Variants in PAH observed in about 807,000 individuals in gnomAD.
The protein encoded by PAH is phenylalanine-4-hydroxylase.
PAH carries 64 observed loss-of-function variants against 62.0 expected under a neutral mutation model. The observed-to-expected ratio is 1.03, with a 90% CI of 0.84 to 1.27. The LOEUF (loss-of-function observed/expected upper bound fraction) is 1.27, where lower values mean the gene tolerates loss of function less well. Among genes scored for constraint, PAH ranks in the 50% most tolerant of loss-of-function variants. The probability of loss-of-function intolerance (pLI) is 0.00; values close to 1 mark genes in which losing one functional copy is unlikely to be tolerated. For missense variants in PAH, 579 were observed against 542.8 expected, an observed-to-expected ratio of 1.07 and a Z score of -0.66; for synonymous variants, 195 against 196.2, an observed-to-expected ratio of 0.99 and a Z score of 0.05.
At chr12:102,891,507 A>G (rs990893291) in intron 3 of PAH, among the ~76,000 whole-genome samples, 1 of 152,194 alleles carries the variant, frequency 6.6e-6, no homozygotes, top group Admixed American at 6.5e-5. Flanking sequence ...GCCAGTGTTT[A>G]TAATAATAAT....
At chr12:102,858,910 A>C (rs1875575894) in intron 5 of PAH, among the ~76,000 whole-genome samples, 1 of 152,234 alleles carries the variant, frequency 6.6e-6, no homozygotes, top group South Asian at 2.1e-4. Flanking sequence ...CACAATGGAA[A>C]GAACTAGAGA....
chr12:102,859,574 A>G lies in PAH; in HGVS notation c.510-4242T>C, dbSNP rs192360407. On this transcript the variant is annotated intron_variant, in intron 5 of 12. Transcript: ENST00000553106. ...ATGAACATCAATGCAAAAATCCTCA[A>G]TAAAATACTGGCAAACCGAATCCAG... Among the ~76,000 whole-genome samples the G allele has an allele frequency of 8.3e-3, 1,261 of 152,378 alleles. 19 individuals are homozygous for G. Among genetic ancestry groups the G allele is most frequent in the African/African-American group, 0.029 (1,209 of 41,584 alleles).
At chr12:102,942,139 A>G (rs1334464850) in intron 1 of PAH, among the ~76,000 whole-genome samples, 1 of 152,104 alleles carries the variant, frequency 6.6e-6, no homozygotes, top group African/African-American at 2.4e-5. Flanking sequence ...ATCTCTCTTC[A>G]TAGATGTTAT....
intron 11 of PAH, among the ~76,000 whole-genome samples, chr12:102,842,686 C>G (rs1874643583): frequency 1.3e-5 from 2 of 152,122 alleles, no homozygotes; most frequent in African/African-American, 4.8e-5. Flanking sequence ...GACTTTCTCC[C>G]TTATGTCTCT....
intron 2 of PAH, among the ~76,000 whole-genome samples, chr12:102,905,450 T>C (rs1877937414): frequency 6.6e-6 from 1 of 152,172 alleles, no homozygotes; most frequent in Non-Finnish European, 1.5e-5. Context: ...AGTTTAAAGA[T>C]CGTTCTCTTT....
At chr12:102,945,985 A>G (rs1160711570) in intron 1 of PAH, 1 of 152,156 alleles carries the variant, frequency 6.6e-6, no homozygotes, top group South Asian at 2.1e-4. Flanking sequence ...GGTTCTTTCC[A>G]TGACTGGGTC....
In PAH at chr12:102,884,083, G is replaced by C. The variant is rs1876931361; in HGVS notation, c.353-6533C>G. Among the ~76,000 whole-genome samples the C allele has an allele frequency of 2.0e-5, 3 of 152,186 alleles. No homozygotes were observed. The South Asian group carries it at 6.2e-4, about 32-fold the overall frequency. On this transcript the variant is annotated intron_variant, in intron 3 of 12. Coordinates refer to ENST00000553106, the MANE Select transcript of PAH (RefSeq NM_000277.3). ...AAGCTCTGGTGCTCACTTCCTCCAG[G>C]CAGCAGCCCAGCTCCACATTTGATC...
At chr12:102,875,072 G>A (rs907004330) in intron 4 of PAH, among the ~76,000 whole-genome samples, 6 of 152,228 alleles carry the variant, frequency 3.9e-5, no homozygotes, top group Admixed American at 6.5e-5. Flanking sequence ...GGGAAAGCAC[G>A]CTGGAGGGTT....
intron 1 of PAH, among the ~76,000 whole-genome samples, chr12:102,935,689 C>CAA (rs78206864): frequency 0.062 from 9,368 of 152,024 alleles, 335 homozygotes; most frequent in Admixed American, 0.1. Flanking sequence ...TACAGTTGCT[C>CAA]ATTGTAGCCT....
At chr12:102,850,864 G>C (rs1875114489) in intron 8 of PAH, among the ~76,000 whole-genome samples, 1 of 152,120 alleles carries the variant, frequency 6.6e-6, no homozygotes, top group Non-Finnish European at 1.5e-5. Flanking sequence ...GAGATGGGAG[G>C]ATTGAGGCCA....
At chr12:102,920,996 C>T (rs1878538065), upstream of PAH, among the ~76,000 whole-genome samples, 1 of 152,138 alleles carries the variant, frequency 6.6e-6, no homozygotes, top group Non-Finnish European at 1.5e-5. Flanking sequence ...CCTTATCTTT[C>T]TTCCCTTATA....
At chr12:102,942,785 C>A (rs1468093369) in intron 1 of PAH, among the ~76,000 whole-genome samples, 1 of 151,954 alleles carries the variant, frequency 6.6e-6, no homozygotes, top group African/African-American at 2.4e-5. Context: ...ACCTGATTTT[C>A]AACAAAGCTG....
chr12:102,924,352 C>T (rs1878629734), intron 1 of PAH, among the ~76,000 whole-genome samples: 2 of 147,476 alleles, frequency 1.4e-5, no homozygotes, highest in East Asian at 3.9e-4. Flanking sequence ...AGCAACTAGA[C>T]TGATGGGTTT....
chr12:102,948,338 T>C (rs1460266382), intron 1 of PAH, among the ~76,000 whole-genome samples: 3 of 152,014 alleles, frequency 2.0e-5, no homozygotes, highest in Non-Finnish European at 4.4e-5. Context: ...TGAGGCTACA[T>C]ATGGGAATGG....
intron 8 of PAH, among the ~76,000 whole-genome samples, chr12:102,851,079 A>G (rs1875124368): frequency 7.7e-6 from 1 of 130,096 alleles, no homozygotes; most frequent in Non-Finnish European, 1.6e-5. Context: ...ACAGAGTGAG[A>G]CCTTGCCTTA....
At chr12:102,952,471 C>CTGTAACAAAATAGAG (rs1879794722), upstream of PAH, among the ~76,000 whole-genome samples, 1 of 152,118 alleles carries the variant, frequency 6.6e-6, no homozygotes, top group African/African-American at 2.4e-5. Context: ...AGCTGGCCTA[C>CTGTAACAAAATAGAG]TGTAACAAAA....
intron 1 of PAH, among the ~76,000 whole-genome samples, chr12:102,926,151 G>C (rs187481383): frequency 1.0e-3 from 155 of 152,176 alleles, no homozygotes; most frequent in African/African-American, 3.5e-3. Context: ...AAAAAGGCAA[G>C]ATAAACTCAG....
chr12:102,879,398 C>A (rs1158853007), intron 3 of PAH, among the ~76,000 whole-genome samples: 1 of 151,190 alleles, frequency 6.6e-6, no homozygotes, highest in Non-Finnish European at 1.5e-5. Context: ...TATCTAGTGG[C>A]CAATCTGGGG....
chr12:102,956,488 C>A (rs1009783745), intron 1 of PAH, among the ~76,000 whole-genome samples: 1 of 151,912 alleles, frequency 6.6e-6, no homozygotes, highest in African/African-American at 2.4e-5. Context: ...GCTCCGCTCC[C>A]AGTCGCCTGC....
Sources: gnomAD v4.1 joint callset for allele counts (sites outside exome capture counted in the v4.1 genomes callset) on GRCh38, gnomAD v4.1.1 for gene constraint, MANE v1.5 for transcripts, NCBI Gene and HGNC (gene_info 2026-07-23, HGNC 2026-07-21) for gene names.